The following CYP7B1 variants were observed in gnomAD, a reference collection of about 807,000 sequenced individuals.
CYP7B1 encodes cytochrome P450 family 7 subfamily B member 1.
A neutral mutation model predicts 42.7 loss-of-function variants in CYP7B1; 29 were observed. The ratio of observed to expected loss-of-function variants is 0.68; its 90% confidence interval spans 0.51 to 0.93. The LOEUF (loss-of-function observed/expected upper bound fraction) is 0.93. CYP7B1 is among the 40% of genes least tolerant of loss of function. The pLI is 0.00. For missense variants in CYP7B1, 655 were observed against 600.5 expected, an observed-to-expected ratio of 1.09 and a Z score of -0.95; for synonymous variants, 235 against 218.2, an observed-to-expected ratio of 1.08 and a Z score of -0.68.
intron 1 of CYP7B1, among the ~76,000 whole-genome samples, chr8:64,693,179 C>T (rs1437641073): frequency 6.6e-6 from 1 of 152,224 alleles, no homozygotes; most frequent in South Asian, 2.1e-4. Context: ...TACTGTCATG[C>T]AGAAATTGTG....
intron 1 of CYP7B1, among the ~76,000 whole-genome samples, chr8:64,667,050 C>A (rs561186884): frequency 8.1e-4 from 123 of 152,282 alleles, no homozygotes; most frequent in Middle Eastern, 3.4e-3. Flanking sequence ...AGGGCTTTCA[C>A]ATAATCAGGG....
intron 1 of CYP7B1, among the ~76,000 whole-genome samples, chr8:64,722,904 G>A (rs1187010976): frequency 6.6e-6 from 1 of 151,978 alleles, no homozygotes; most frequent in Non-Finnish European, 1.5e-5. Flanking sequence ...AACTGCAATT[G>A]AGCGGAAGCA....
intron 1 of CYP7B1, among the ~76,000 whole-genome samples, chr8:64,709,723 C>G (rs756255425): frequency 6.6e-6 from 1 of 152,042 alleles, no homozygotes; most frequent in African/African-American, 2.4e-5. Flanking sequence ...AAAGGATAAA[C>G]GGCATACACA....
At chr8:64,694,408 G>A (rs1257074742) in intron 1 of CYP7B1, among the ~76,000 whole-genome samples, 1 of 152,110 alleles carries the variant, frequency 6.6e-6, no homozygotes, top group Non-Finnish European at 1.5e-5. Context: ...TCCAAGTCTG[G>A]CCTTGCTCTA....
At chr8:64,698,812 C>G (rs1213925818) in intron 1 of CYP7B1, among the ~76,000 whole-genome samples, 2 of 151,788 alleles carry the variant, frequency 1.3e-5, no homozygotes, top group East Asian at 3.9e-4. Context: ...ACTGAAGAAA[C>G]AAAAAAATAT....
At chr8:64,692,380 T>G (rs545455386) in intron 1 of CYP7B1, among the ~76,000 whole-genome samples, 1 of 152,332 alleles carries the variant, frequency 6.6e-6, no homozygotes, top group South Asian at 2.1e-4. Context: ...AAATTCAGAC[T>G]CCAAGCTGTT....
intron 1 of CYP7B1, among the ~76,000 whole-genome samples, chr8:64,643,102 TATATATACATATATATAC>T (rs1037474498): frequency 2.1e-5 from 3 of 143,286 alleles, no homozygotes; most frequent in Admixed American, 7.2e-5. Flanking sequence ...TATATACACA[TATATATACATATATATAC>T]ATATATACAT....
In CYP7B1 at chr8:64,717,606, A is replaced by C. The variant is rs370744219; in HGVS notation, c.122+80860T>G. 2.6e-5 allele frequency among the ~76,000 whole-genome samples: 4 copies of C among 152,208 alleles called. No individual in the cohort carries two copies. In the South Asian group the frequency reaches 6.2e-4, roughly 24 times the overall value. On this transcript the variant is annotated intron_variant, in intron 1 of 5. Transcript: ENST00000310193. ...GGTGGCTCACACCTGTAATCCCAGC[A>C]CTTTGGGAGGCCAGCGCAGGAGGAT...
At chr8:64,704,654 A>G (rs974140008) in intron 1 of CYP7B1, among the ~76,000 whole-genome samples, 1 of 152,060 alleles carries the variant, frequency 6.6e-6, no homozygotes, top group Admixed American at 6.6e-5. Context: ...CAAAGCAGAA[A>G]AGTCTTAGAC....
At chr8:64,617,139 G>A (rs1239772120) in intron 2 of CYP7B1, among the ~76,000 whole-genome samples, 1 of 152,176 alleles carries the variant, frequency 6.6e-6, no homozygotes, top group Non-Finnish European at 1.5e-5. Flanking sequence ...GTCTCTTTGA[G>A]GTGATGACAT....
chr8:64,624,367 T>C, intron 2 of CYP7B1, 36 bp downstream of exon 2: 2 of 1,587,740 alleles, frequency 1.3e-6, no homozygotes, highest in Non-Finnish European at 1.7e-6. Flanking sequence ...TGAAAAATGA[T>C]GACATATATA....
chr8:64,586,934 A>T (rs1207270331), downstream of CYP7B1, among the ~76,000 whole-genome samples: 2 of 152,232 alleles, frequency 1.3e-5, no homozygotes, highest in Non-Finnish European at 2.9e-5. Context: ...AGTAGGTGGA[A>T]GGAGGGAAAG....
intron 2 of CYP7B1, among the ~76,000 whole-genome samples, chr8:64,618,220 CAA>C (rs1459649277): frequency 2.0e-5 from 3 of 151,652 alleles, no homozygotes; most frequent in Admixed American, 2.0e-4. Flanking sequence ...TCTTATTTTG[CAA>C]AAGATATAAT....
intron 1 of CYP7B1, among the ~76,000 whole-genome samples, chr8:64,770,806 G>A (rs1804209679): frequency 6.6e-6 from 1 of 151,972 alleles, no homozygotes; most frequent in Non-Finnish European, 1.5e-5. Context: ...TCTATCCAGG[G>A]GAAATCTAAA....
At chr8:64,787,723 C>T (rs1004380934) in intron 1 of CYP7B1, among the ~76,000 whole-genome samples, 15 of 152,274 alleles carry the variant, frequency 9.9e-5, no homozygotes, top group African/African-American at 2.9e-4. Context: ...AGCAGTGCCC[C>T]ACTCCCTTGG....
intron 1 of CYP7B1, among the ~76,000 whole-genome samples, chr8:64,782,482 C>T (rs1314075871): frequency 6.6e-6 from 1 of 152,140 alleles, no homozygotes; most frequent in Non-Finnish European, 1.5e-5. Context: ...TCTAGGACTT[C>T]CCAGCCTCCA....
intron 1 of CYP7B1, among the ~76,000 whole-genome samples, chr8:64,777,180 A>G (rs1056196871): frequency 6.6e-6 from 1 of 151,400 alleles, no homozygotes; most frequent in Non-Finnish European, 1.5e-5. Flanking sequence ...TTTGTAAAAA[A>G]AAAAAAAAAA....
intron 1 of CYP7B1, among the ~76,000 whole-genome samples, chr8:64,631,949 C>A (rs1805702979): frequency 6.6e-6 from 1 of 152,078 alleles, no homozygotes; most frequent in Non-Finnish European, 1.5e-5. Context: ...GAAGTGAGAA[C>A]CCTTGTACAC....
intron 1 of CYP7B1, among the ~76,000 whole-genome samples, chr8:64,703,035 C>G (rs1025774774): frequency 1.3e-5 from 2 of 151,774 alleles, no homozygotes; most frequent in South Asian, 4.2e-4. Flanking sequence ...AAAATTTAGT[C>G]AATTTATGAA....
Sources: gnomAD v4.1 joint callset for allele counts (sites outside exome capture counted in the v4.1 genomes callset) on GRCh38, gnomAD v4.1.1 for gene constraint, MANE v1.5 for transcripts, NCBI Gene and HGNC (gene_info 2026-07-23, HGNC 2026-07-21) for gene names.